RIN2: variants seen among roughly 807,000 people sequenced by gnomAD.
RIN2 encodes Ras and Rab interactor 2, also known as RAB5 interacting protein 2.
A neutral mutation model predicts 78.0 loss-of-function variants in RIN2; 36 were observed. The observed-to-expected ratio is 0.46, with a 90% CI of 0.35 to 0.61. RIN2 has a LOEUF of 0.61. Among genes scored for constraint, RIN2 ranks in the 20% least tolerant of loss-of-function variants. The pLI is 0.00. For synonymous variants in RIN2, 466 were observed against 466.8 expected, an observed-to-expected ratio of 1.00 and a Z score of 0.02; for missense variants, 1,087 against 1,159.7, an observed-to-expected ratio of 0.94 and a Z score of 0.91.
At chr20:19,844,686 CTCTTCCTCTTCCTCTTCTTCTTCTTCT>C (rs1333284359) in intron 2 of RIN2, among the ~76,000 whole-genome samples, 11 of 30,070 alleles carry the variant, frequency 3.7e-4, no homozygotes, top group Non-Finnish European at 7.0e-4. Flanking sequence ...CTTCTTCTTC[CTCTTCCTCTTCCTCTTCTTCTTCTTCT>C]TCTTCTTCTT....
intron 1 of RIN2, among the ~76,000 whole-genome samples, chr20:19,777,090 C>A (rs1004913950): frequency 3.3e-5 from 5 of 152,188 alleles, no homozygotes; most frequent in Admixed American, 2.6e-4. Context: ...GGGGCGGGTC[C>A]ATCCGGGAGG....
chr20:19,994,710 T>G (rs2042902242), intron 11 of RIN2, among the ~76,000 whole-genome samples: 1 of 152,174 alleles, frequency 6.6e-6, no homozygotes, highest in Non-Finnish European at 1.5e-5. Context: ...TCCTGAATAC[T>G]TATGTTCATA....
At chr20:19,949,290 T>G (rs1006245025) in intron 4 of RIN2, among the ~76,000 whole-genome samples, 1 of 152,214 alleles carries the variant, frequency 6.6e-6, no homozygotes, top group African/African-American at 2.4e-5. Context: ...TCAAAATAAA[T>G]AAATAAAAAT....
In RIN2 at chr20:19,943,700, A is replaced by C. The variant is rs570333814; in HGVS notation, c.158+8501A>C. Among the ~76,000 whole-genome samples the C allele has an allele frequency of 1.3e-3, 192 of 152,296 alleles. 1 individual carries two copies. Among genetic ancestry groups the C allele is most frequent in the African/African-American group, 4.4e-3 (184 of 41,564 alleles). On this transcript the variant is annotated intron_variant, in intron 4 of 12. Transcript: ENST00000255006. The stretch of plus-strand genomic sequence containing the variant: ...TCTAGCATTTTGATCTCAAATAAGG[A>C]GATAAACTGGATGGCCTCTGATAGC...
chr20:19,904,911 A>G (rs2039152397), intron 3 of RIN2, among the ~76,000 whole-genome samples: 1 of 152,134 alleles, frequency 6.6e-6, no homozygotes. Flanking sequence ...CTTGACATTG[A>G]GTTGCTGTTC....
At chr20:19,930,090 G>T (rs377679244) in intron 3 of RIN2, among the ~76,000 whole-genome samples, 1 of 150,694 alleles carries the variant, frequency 6.6e-6, no homozygotes, top group Non-Finnish European at 1.5e-5. Flanking sequence ...GTTGCTGGGG[G>T]CTGGGGCTGG....
At chr20:19,788,432 C>CAAAAAAAAAAAAAAAAAAAAAAAAAA (rs1224663738) in intron 1 of RIN2, among the ~76,000 whole-genome samples, 3 of 53,744 alleles carry the variant, frequency 5.6e-5, no homozygotes, top group African/African-American at 2.2e-4. Context: ...CTGTCTCTGC[C>CAAAAAAAAAAAAAAAAAAAAAAAAAA]AAAAAAAAAA....
intron 2 of RIN2, among the ~76,000 whole-genome samples, chr20:19,844,642 CTTCTTCTTCTTCTTCTTCT>C (rs2036697739): frequency 7.5e-6 from 1 of 134,100 alleles, no homozygotes; most frequent in East Asian, 2.2e-4. Context: ...TCTTCTTCTT[CTTCTTCTTCTTCTTCTTCT>C]TCTTCTTCCT....
At position 19,883,008 on chromosome 20, in the gene RIN2, T is replaced by C. The variant is rs558819067; in HGVS notation, c.-36-6558T>C. The stretch of plus-strand genomic sequence containing the variant: ...GCTAAGTTTTGGGGGAGTTAAAAGT[T>C]GTACTCAGATTTTTGACGGCTCAGA... On this transcript the variant is annotated intron_variant, in intron 2 of 12. Transcript: ENST00000255006. 2.6e-5 allele frequency among the ~76,000 whole-genome samples: 4 copies of C among 152,302 alleles called. No homozygotes were observed. The South Asian group carries it at 6.2e-4, about 24-fold the overall frequency.
chr20:19,775,841 G>A (rs1298676119), intron 1 of RIN2, among the ~76,000 whole-genome samples: 1 of 152,244 alleles, frequency 6.6e-6, no homozygotes. Context: ...AGCTGAGTAT[G>A]GGACTCAGCT....
intron 2 of RIN2, among the ~76,000 whole-genome samples, chr20:19,851,073 G>A (rs2036964189): frequency 6.6e-6 from 1 of 151,336 alleles, no homozygotes; most frequent in Non-Finnish European, 1.5e-5. Flanking sequence ...AGGAAGGAAG[G>A]AAGGAAGGAA....
In RIN2 at chr20:19,797,764, C is replaced by G. The variant is rs113109213; in HGVS notation, c.-162-1858C>G. Among the ~76,000 whole-genome samples the G allele has an allele frequency of 4.2e-3, 635 of 152,008 alleles. 2 individuals are homozygous for G. The highest frequency in any genetic ancestry group is 0.015 in the African/African-American group (603 of 41,450). ...ATGATTCCTGAAAAATGATGATGATCACTAACATTGACGGTGGTGGCAGTT... is the reference window on the plus strand; with the variant it reads ...ATGATTCCTGAAAAATGATGATGATGACTAACATTGACGGTGGTGGCAGTT... On this transcript the variant is annotated intron_variant, in intron 1 of 12. Transcript: ENST00000255006.
At chr20:19,983,917 A>G (rs2042542534) in intron 9 of RIN2, among the ~76,000 whole-genome samples, 1 of 151,962 alleles carries the variant, frequency 6.6e-6, no homozygotes, top group South Asian at 2.1e-4. Flanking sequence ...TCTAGGGTAC[A>G]TGTGTGCAAC....
At chr20:19,937,357 G>A (rs868621479) in intron 4 of RIN2, among the ~76,000 whole-genome samples, 1 of 152,148 alleles carries the variant, frequency 6.6e-6, no homozygotes. Flanking sequence ...GCACCGCCCG[G>A]GCCCCTGGCT....
At chr20:19,985,333 C>T (rs115356654) in intron 9 of RIN2, among the ~76,000 whole-genome samples, 1,573 of 152,280 alleles carry the variant, frequency 0.01, 23 homozygotes, top group African/African-American at 0.036. Flanking sequence ...GAAGCCAACA[C>T]ATTGAATACT....
chr20:19,893,268 C>T (rs958791774), intron 3 of RIN2, among the ~76,000 whole-genome samples: 3 of 152,192 alleles, frequency 2.0e-5, no homozygotes, highest in Admixed American at 6.5e-5. Context: ...ACGCACTTCT[C>T]AGCAGATACC....
intron 1 of RIN2, among the ~76,000 whole-genome samples, chr20:19,798,339 A>G (rs1449650600): frequency 6.6e-6 from 1 of 152,036 alleles, no homozygotes; most frequent in Admixed American, 6.6e-5. Flanking sequence ...GACAGGGAGG[A>G]TATTCTACAC....
At chr20:19,789,146 C>A (rs2122602618) in intron 1 of RIN2, among the ~76,000 whole-genome samples, 2 of 152,282 alleles carry the variant, frequency 1.3e-5, no homozygotes, top group Non-Finnish European at 2.9e-5. Context: ...ACAAAGGCTA[C>A]ACTGCAATTA....
At chr20:19,784,460 C>CACAGTAAATGGATGTTTTAGT (rs1407622179) in intron 1 of RIN2, among the ~76,000 whole-genome samples, 4 of 152,050 alleles carry the variant, frequency 2.6e-5, no homozygotes, top group African/African-American at 9.7e-5. Flanking sequence ...GATGTTTTAG[C>CACAGTAAATGGATGTTTTAGT]ACAGTAAATG....
Sources: gnomAD v4.1 joint callset for allele counts (sites outside exome capture counted in the v4.1 genomes callset) on GRCh38, gnomAD v4.1.1 for gene constraint, MANE v1.5 for transcripts, NCBI Gene and HGNC (gene_info 2026-07-23, HGNC 2026-07-21) for gene names.